Variants in CEP128 observed in about 807,000 individuals in gnomAD.
CEP128 encodes centrosomal protein 128.
CEP128 carries 132 observed loss-of-function variants against 156.7 expected under a neutral mutation model. That is an observed-to-expected ratio of 0.84 (90% CI 0.73 to 0.97). The LOEUF (loss-of-function observed/expected upper bound fraction) is 0.97. CEP128 is among the 50% of genes least tolerant of loss of function. CEP128 has a pLI of 0.00. For synonymous variants in CEP128, 469 were observed against 448.9 expected, an observed-to-expected ratio of 1.04 and a Z score of -0.57; for missense variants, 1,252 against 1,281.9, an observed-to-expected ratio of 0.98 and a Z score of 0.36.
At chr14:80,531,788 A>G in intron 21 of CEP128, among the ~76,000 whole-genome samples, 1 of 152,208 alleles carries the variant, frequency 6.6e-6, no homozygotes, top group East Asian at 1.9e-4. Context: ...GTTGCAGGGA[A>G]GTTAGTGGCC....
intron 18 of CEP128, among the ~76,000 whole-genome samples, chr14:80,756,120 CAA>C (rs1160074260): frequency 3.3e-5 from 5 of 152,116 alleles, no homozygotes; most frequent in South Asian, 4.1e-4. Flanking sequence ...ATGAGAAACG[CAA>C]TATTAATGCA....
intron 21 of CEP128, among the ~76,000 whole-genome samples, chr14:80,534,020 G>C (rs1000489109): frequency 6.6e-6 from 1 of 152,104 alleles, no homozygotes. Context: ...GAACTAACTA[G>C]GGCATTTGCA....
At chr14:80,761,083 T>C (rs1162671836) in intron 17 of CEP128, among the ~76,000 whole-genome samples, 2 of 152,020 alleles carry the variant, frequency 1.3e-5, no homozygotes, top group Non-Finnish European at 2.9e-5. Context: ...ACCTATACTA[T>C]AGTACTCAAT....
chr14:80,526,924 C>A lies in CEP128; in HGVS notation c.3017G>T (p.Arg1006Ile), dbSNP rs1888996859. The change falls in exon 23 of 25, where the codon AGA becomes ATA. Residue 1006 changes from arginine to isoleucine, a missense_variant. Transcript: ENST00000555265. Reference sequence around the variant, plus strand: ...ATCTTGGTGATGCTGAAGAGAATTTCTGCGAACCCTGTATTTGGAATATCT... The same window carrying A: ...ATCTTGGTGATGCTGAAGAGAATTTATGCGAACCCTGTATTTGGAATATCT... ...DGRYSKYRVR[R>I]NSLQHHQDDT... 1 of 1,610,398 alleles carries A rather than the reference C, an allele frequency of 6.2e-7. No individual in the cohort carries two copies. The highest frequency in any genetic ancestry group is 1.3e-5 in the African/African-American group (1 of 74,528).
At chr14:80,885,131 G>A (rs771617612) in intron 8 of CEP128, among the ~76,000 whole-genome samples, 1 of 152,162 alleles carries the variant, frequency 6.6e-6, no homozygotes, top group Non-Finnish European at 1.5e-5. Context: ...CCCAGTCAGC[G>A]GCTTATAGAT....
At chr14:80,934,613 C>A (rs1415555144) in intron 2 of CEP128, among the ~76,000 whole-genome samples, 1 of 152,160 alleles carries the variant, frequency 6.6e-6, no homozygotes, top group Non-Finnish European at 1.5e-5. Flanking sequence ...CAGGCCCCAG[C>A]ATAGTGTCTG....
intron 19 of CEP128, among the ~76,000 whole-genome samples, chr14:80,655,483 T>C (rs1895091567): frequency 6.6e-6 from 1 of 152,210 alleles, no homozygotes; most frequent in Admixed American, 6.5e-5. Context: ...TCCTGTATAA[T>C]TCTCCTACTC....
Position 80,792,755 on chromosome 14 carries a change from T to C in CEP128, c.1560+5A>G, listed in dbSNP as rs370443095. On this transcript the variant is annotated splice_donor_5th_base_variant and intron_variant, in intron 14 of 24. Transcript: ENST00000555265. Reference sequence around the variant, plus strand: ...AACCGTTCCTTAGGAATGTGGCTTTTATACCTGATTATTCTTGCCTGTCAG... The same window carrying C: ...AACCGTTCCTTAGGAATGTGGCTTTCATACCTGATTATTCTTGCCTGTCAG... 47 of 1,611,508 alleles carry C rather than the reference T, an allele frequency of 2.9e-5. No homozygotes were observed. The African/African-American group carries it at 5.9e-4, about 20-fold the overall frequency.
intron 8 of CEP128, among the ~76,000 whole-genome samples, chr14:80,868,282 G>C (rs1014333021): frequency 1.3e-5 from 2 of 152,048 alleles, no homozygotes; most frequent in Non-Finnish European, 2.9e-5. Flanking sequence ...TTTAACTCTA[G>C]TTTAAAAGAC....
rs549766897 is a variant in CEP128 at position 80,916,206 on chromosome 14, C to G, written c.147+195G>C. Among the ~76,000 whole-genome samples, 5 of 152,318 alleles carry G rather than the reference C, an allele frequency of 3.3e-5. No homozygotes were observed. The South Asian group carries it at 1.0e-3, about 32-fold the overall frequency. ...GCCTCCAGAGAGGAACACATCCCTA[C>G]CAACACTTTGAGACCCAGTGAGACC... On this transcript the variant is annotated intron_variant, in intron 3 of 24. Transcript: ENST00000555265.
chr14:80,752,286 G>A (rs1317998276), intron 18 of CEP128, among the ~76,000 whole-genome samples: 2 of 152,124 alleles, frequency 1.3e-5, no homozygotes, highest in African/African-American at 2.4e-5. Flanking sequence ...TTTTTAGAAT[G>A]TGGTCAGCCA....
chr14:80,628,538 G>A (rs1893828743), intron 19 of CEP128, among the ~76,000 whole-genome samples: 1 of 152,176 alleles, frequency 6.6e-6, no homozygotes, highest in African/African-American at 2.4e-5. Flanking sequence ...GACATCTGCT[G>A]TTTTTGCCTG....
At chr14:80,918,231 T>A (rs1165765639) in intron 2 of CEP128, among the ~76,000 whole-genome samples, 1 of 152,248 alleles carries the variant, frequency 6.6e-6, no homozygotes, top group Non-Finnish European at 1.5e-5. Flanking sequence ...AGACAAGACA[T>A]CTTACATATA....
intron 19 of CEP128, among the ~76,000 whole-genome samples, chr14:80,735,916 G>A (rs117728423): frequency 0.011 from 1,734 of 152,060 alleles, 17 homozygotes; most frequent in Non-Finnish European, 0.015. Flanking sequence ...TAAGGACCAC[G>A]TGATTATATT....
intron 19 of CEP128, among the ~76,000 whole-genome samples, chr14:80,688,235 G>A (rs1432052274): frequency 6.6e-6 from 1 of 152,200 alleles, no homozygotes; most frequent in East Asian, 1.9e-4. Flanking sequence ...AACAAAAAAT[G>A]TTCCCAGATG....
intron 9 of CEP128, among the ~76,000 whole-genome samples, chr14:80,840,995 G>A (rs1403224238): frequency 2.6e-5 from 4 of 151,918 alleles, no homozygotes; most frequent in African/African-American, 9.7e-5. Context: ...CCATCTTTGG[G>A]AATTTTACTA....
chr14:80,506,312 G>A (rs1009941494), intron 23 of CEP128, among the ~76,000 whole-genome samples: 2 of 150,008 alleles, frequency 1.3e-5, no homozygotes, highest in Non-Finnish European at 3.0e-5. Flanking sequence ...TGAGGTCCAG[G>A]GCCATGCTCA....
At chr14:80,785,736 T>C (rs545192043) in intron 14 of CEP128, among the ~76,000 whole-genome samples, 191 bp from the exon 15 acceptor site, 239 of 152,272 alleles carry the variant, frequency 1.6e-3, no homozygotes, top group African/African-American at 5.5e-3. Context: ...AATATATAAT[T>C]GTCCTGAAAT....
intron 21 of CEP128, among the ~76,000 whole-genome samples, chr14:80,531,895 G>A (rs1889242896): frequency 6.6e-6 from 1 of 152,070 alleles, no homozygotes; most frequent in Non-Finnish European, 1.5e-5. Context: ...AGTTGAACCT[G>A]AGCGTTCCCC....
Sources: allele counts gnomAD v4.1 joint callset (sites outside exome capture counted in the v4.1 genomes callset), GRCh38; gene constraint gnomAD v4.1.1; transcripts MANE v1.5; gene names NCBI Gene and HGNC (gene_info 2026-07-23, HGNC 2026-07-21).